The following ESRRG variants were observed in gnomAD, a reference collection of about 807,000 sequenced individuals.
The protein encoded by ESRRG is estrogen related receptor gamma.
A neutral mutation model predicts 44.0 loss-of-function variants in ESRRG; 13 were observed. The observed-to-expected ratio is 0.30, with a 90% confidence interval of 0.19 to 0.47. ESRRG has a LOEUF of 0.47. Among genes scored for constraint, ESRRG ranks in the 20% least tolerant of loss-of-function variants. ESRRG has a pLI of 1.00. For missense variants in ESRRG, 395 were observed against 580.6 expected (o/e 0.68, Z 3.29); for synonymous variants, 215 against 214.6 (o/e 1.00, Z -0.02).
intron 2 of ESRRG, among the ~76,000 whole-genome samples, chr1:216,664,191 A>G (rs2073276884): frequency 6.6e-6 from 1 of 152,136 alleles, no homozygotes. Flanking sequence ...AAAAGCTTTT[A>G]AAATATACAA....
At chr1:216,753,542 A>G (rs1050561073) in intron 2 of ESRRG, among the ~76,000 whole-genome samples, 2 of 152,130 alleles carry the variant, frequency 1.3e-5, no homozygotes, top group African/African-American at 4.8e-5. Flanking sequence ...TATTGCTTAT[A>G]GTTTCCTTTT....
At chr1:216,547,984 G>C (rs2055068914) in intron 5 of ESRRG, among the ~76,000 whole-genome samples, 1 of 152,044 alleles carries the variant, frequency 6.6e-6, no homozygotes, top group South Asian at 2.1e-4. Flanking sequence ...GGGGTTCCTG[G>C]CAATTGCTGC....
intron 3 of ESRRG, among the ~76,000 whole-genome samples, chr1:216,602,349 T>C (rs1379800384): frequency 6.6e-6 from 1 of 152,200 alleles, no homozygotes; most frequent in East Asian, 1.9e-4. Flanking sequence ...AACAAGCTTT[T>C]GATACAAAAC....
chr1:216,802,091 T>A (rs1187500168), intron 2 of ESRRG, among the ~76,000 whole-genome samples: 2 of 152,110 alleles, frequency 1.3e-5, no homozygotes, highest in Non-Finnish European at 1.5e-5. Flanking sequence ...AAAAAGACAA[T>A]GTCCCTTCCC....
rs2093054532 is a variant in ESRRG at position 217,136,658 on chromosome 1, A to G, written c.-230+1009T>C. Reference sequence around the variant, plus strand: ...GGGATCTACTTGACTGAGATTCCTGAACACAACTTACTGCCCGCCCTTCCC... The same window carrying G: ...GGGATCTACTTGACTGAGATTCCTGGACACAACTTACTGCCCGCCCTTCCC... On this transcript the variant is annotated intron_variant, in intron 1 of 8. Transcript: ENST00000366940. Among the ~76,000 whole-genome samples, 3 of 152,150 alleles carry G rather than the reference A, an allele frequency of 2.0e-5. No homozygotes were observed. The South Asian group carries it at 6.2e-4, about 32-fold the overall frequency.
chr1:216,912,158 A>C (rs866020792), intron 2 of ESRRG, among the ~76,000 whole-genome samples: 4 of 36,782 alleles, frequency 1.1e-4, no homozygotes, highest in East Asian at 1.2e-3. Context: ...AAGAAAAGAA[A>C]AGAAAAGAAA....
At chr1:216,605,722 C>A (rs537418360) in intron 3 of ESRRG, among the ~76,000 whole-genome samples, 1 of 151,746 alleles carries the variant, frequency 6.6e-6, no homozygotes. Context: ...TCATTAGTGC[C>A]AAAATGATTT....
chr1:216,727,485 A>T (rs534949335), upstream of ESRRG, among the ~76,000 whole-genome samples: 3 of 152,060 alleles, frequency 2.0e-5, no homozygotes, highest in South Asian at 6.2e-4. Context: ...TCATTTCCTC[A>T]TCTGAAAATT....
At chr1:216,804,363 C>G (rs1187586263) in intron 2 of ESRRG, among the ~76,000 whole-genome samples, 2 of 152,150 alleles carry the variant, frequency 1.3e-5, no homozygotes, top group Non-Finnish European at 2.9e-5. Context: ...CCAGTAGTGA[C>G]AGCAAGGATG....
chr1:217,126,711 T>C (rs1322110595), intron 1 of ESRRG, among the ~76,000 whole-genome samples: 1 of 152,180 alleles, frequency 6.6e-6, no homozygotes, highest in Non-Finnish European at 1.5e-5. Context: ...TCGAGTATCC[T>C]CATCAATAAT....
chr1:216,631,527 C>T (rs11572717), intron 3 of ESRRG, among the ~76,000 whole-genome samples: 5,105 of 152,176 alleles, frequency 0.034, 261 homozygotes, highest in African/African-American at 0.11. Context: ...ACAGCCCAGG[C>T]TCTCTAAACA....
intron 2 of ESRRG, among the ~76,000 whole-genome samples, chr1:216,918,584 G>A (rs549720946): frequency 3.3e-5 from 5 of 151,934 alleles, no homozygotes; most frequent in African/African-American, 1.2e-4. Context: ...ACTTCTTCCT[G>A]TTCTCTACTA....
intron 1 of ESRRG, among the ~76,000 whole-genome samples, chr1:217,043,283 T>A (rs371065817): frequency 1.4e-3 from 217 of 152,236 alleles, no homozygotes; most frequent in African/African-American, 5.1e-3. Context: ...AAATTGGGCC[T>A]CAAAGATGCT....
At chr1:217,050,526 C>A (rs2085746970) in intron 1 of ESRRG, among the ~76,000 whole-genome samples, 1 of 152,082 alleles carries the variant, frequency 6.6e-6, no homozygotes, top group Non-Finnish European at 1.5e-5. Flanking sequence ...TCCTCCTGTT[C>A]ATAAGAAACT....
At chr1:216,853,744 C>T (rs765931729) in intron 2 of ESRRG, among the ~76,000 whole-genome samples, 8 of 152,206 alleles carry the variant, frequency 5.3e-5, no homozygotes, top group Non-Finnish European at 7.3e-5. Context: ...ACTTCAACAG[C>T]GAGTTGCTTT....
At chr1:217,107,378 C>T (rs753236548) in intron 1 of ESRRG, among the ~76,000 whole-genome samples, 9 of 152,154 alleles carry the variant, frequency 5.9e-5, no homozygotes, top group Non-Finnish European at 8.8e-5. Context: ...CAGGTGACAA[C>T]AATAATTTAT....
chr1:216,802,622 T>C (rs2094658681), intron 2 of ESRRG, among the ~76,000 whole-genome samples: 2 of 152,130 alleles, frequency 1.3e-5, no homozygotes, highest in Admixed American at 1.3e-4. Flanking sequence ...CTTCTGAGCA[T>C]GGGGCCCTGT....
intron 1 of ESRRG, among the ~76,000 whole-genome samples, chr1:217,008,549 C>T (rs1316197191): frequency 7.2e-5 from 11 of 152,134 alleles, no homozygotes; most frequent in African/African-American, 2.4e-4. Context: ...GCTGGTGTTG[C>T]TAGTGACTGT....
intron 2 of ESRRG, among the ~76,000 whole-genome samples, chr1:216,920,785 C>T (rs887069120): frequency 6.6e-6 from 1 of 152,218 alleles, no homozygotes; most frequent in East Asian, 1.9e-4. Context: ...TGTCCTGGAA[C>T]ATGAAGGAAG....
Sources: gnomAD v4.1 joint callset for allele counts (sites outside exome capture counted in the v4.1 genomes callset) on GRCh38, gnomAD v4.1.1 for gene constraint, MANE v1.5 for transcripts, NCBI Gene and HGNC (gene_info 2026-07-23, HGNC 2026-07-21) for gene names.